The following STX8 variants were observed in gnomAD, a reference collection of about 807,000 sequenced individuals.
STX8 encodes the protein syntaxin-8.
Under a neutral mutation model 37.5 loss-of-function variants are expected in STX8, and 23 were observed. That is an observed-to-expected ratio of 0.61 (90% CI 0.44 to 0.87). The LOEUF is 0.87. STX8 is among the 40% of genes least tolerant of loss of function. The pLI is 0.00. For synonymous variants in STX8, 115 were observed against 99.1 expected (o/e 1.16, Z -0.95); for missense variants, 313 against 284.7 (o/e 1.10, Z -0.71).
chr17:9,297,298 T>C (rs972745025), intron 7 of STX8, among the ~76,000 whole-genome samples: 1 of 152,034 alleles, frequency 6.6e-6, no homozygotes, highest in Non-Finnish European at 1.5e-5. Context: ...TAATGTGGTT[T>C]AGTGAGTATA....
At chr17:9,536,095 A>G (rs1262320301) in intron 4 of STX8, among the ~76,000 whole-genome samples, 1 of 152,214 alleles carries the variant, frequency 6.6e-6, no homozygotes, top group East Asian at 1.9e-4. Context: ...ATTGAGAGTA[A>G]TTACTTATGT....
intron 6 of STX8, among the ~76,000 whole-genome samples, chr17:9,483,072 C>A (rs953262217): frequency 2.6e-5 from 4 of 152,122 alleles, no homozygotes; most frequent in African/African-American, 9.7e-5. Flanking sequence ...ATTCCTGTTG[C>A]TACTCTAACA....
At position 9,360,227 on chromosome 17, in the gene STX8, CTTTTTTTTTTTTT is replaced by C. The variant is rs58213453; in HGVS notation, c.643+18312_643+18324del. Among the ~76,000 whole-genome samples the C allele has an allele frequency of 6.9e-5, 5 of 72,610 alleles. No homozygotes were observed. In the Admixed American group the frequency reaches 8.0e-4, roughly 12 times the overall value. The allele number at this position is 72,610 out of a possible 152,430, so 47.6% of individuals were successfully genotyped here. On this transcript the variant is annotated intron_variant, in intron 7 of 7. Coordinates refer to ENST00000306357, the MANE Select transcript of STX8 (RefSeq NM_004853.3). ...ATACATATAATGTAAAATTAACCGT[CTTTTTTTTTTTTT>C]TTTTTTTTTTTGAGTCAGAGTCTCA... is the stretch of plus-strand genomic sequence containing the variant.
At chr17:9,364,851 T>C (rs976300890) in intron 7 of STX8, among the ~76,000 whole-genome samples, 1 of 152,134 alleles carries the variant, frequency 6.6e-6, no homozygotes, top group African/African-American at 2.4e-5. Context: ...GATATATTAT[T>C]ATACTATAAC....
At chr17:9,370,051 T>TA (rs1477834590) in intron 7 of STX8, among the ~76,000 whole-genome samples, 2 of 150,914 alleles carry the variant, frequency 1.3e-5, no homozygotes, top group African/African-American at 4.9e-5. Context: ...CCGTCTCTAC[T>TA]AAAAAATACT....
intron 4 of STX8, among the ~76,000 whole-genome samples, chr17:9,542,088 G>A (rs754688202): frequency 7.9e-5 from 12 of 151,892 alleles, no homozygotes; most frequent in Non-Finnish European, 1.8e-4. Flanking sequence ...GCCAGGTGTA[G>A]TGGCTCATGG....
At chr17:9,339,603 G>A (rs574731076) in intron 7 of STX8, among the ~76,000 whole-genome samples, 13 of 152,140 alleles carry the variant, frequency 8.5e-5, no homozygotes, top group Non-Finnish European at 1.6e-4. Context: ...GCAGTGAGCC[G>A]AGATCGCGCC....
intron 7 of STX8, among the ~76,000 whole-genome samples, chr17:9,327,451 C>A (rs1393677336): frequency 6.6e-6 from 1 of 151,998 alleles, no homozygotes; most frequent in Non-Finnish European, 1.5e-5. Context: ...CTGTCTATTT[C>A]TATGCTTAGG....
intron 6 of STX8, among the ~76,000 whole-genome samples, chr17:9,415,425 T>C (rs186050829): frequency 2.0e-4 from 30 of 152,252 alleles, no homozygotes; most frequent in Admixed American, 7.9e-4. Flanking sequence ...TGGCTTCTAC[T>C]CTACATACTC....
chr17:9,273,798 G>GT (rs1306312514), intron 7 of STX8, among the ~76,000 whole-genome samples: 1 of 151,986 alleles, frequency 6.6e-6, no homozygotes, highest in Non-Finnish European at 1.5e-5. Context: ...CCCGTCTCAC[G>GT]TTGGAAATCC....
rs143334018 is a variant in STX8 at position 9,398,626 on chromosome 17, T to C, written c.542-19973A>G. On this transcript the variant is annotated intron_variant, in intron 6 of 7. Transcript: ENST00000306357. ...AAATATATCATGCTAATGTAAGACATTAACTACAGGGGAAAATGGATGTGG... is the reference window on the plus strand; with the variant it reads ...AAATATATCATGCTAATGTAAGACACTAACTACAGGGGAAAATGGATGTGG... Among the ~76,000 whole-genome samples, 636 of 152,334 alleles carry C rather than the reference T, an allele frequency of 4.2e-3. 5 individuals are homozygous for C. The highest frequency in any genetic ancestry group is 0.014 in the African/African-American group (586 of 41,572).
intron 6 of STX8, among the ~76,000 whole-genome samples, chr17:9,448,883 A>T (rs1336592811): frequency 1.3e-5 from 2 of 152,194 alleles, no homozygotes; most frequent in African/African-American, 4.8e-5. Context: ...AGAAAGACAG[A>T]TGTTTTTGCT....
intron 3 of STX8, among the ~76,000 whole-genome samples, chr17:9,556,699 T>C (rs1373690581): frequency 6.7e-6 from 1 of 148,806 alleles, no homozygotes; most frequent in Non-Finnish European, 1.5e-5. Flanking sequence ...CCCAAAGTGC[T>C]GGGATTATAG....
chr17:9,338,345 C>G (rs959215511), intron 7 of STX8, among the ~76,000 whole-genome samples: 1 of 152,108 alleles, frequency 6.6e-6, no homozygotes, highest in African/African-American at 2.4e-5. Flanking sequence ...TGAGCCACAG[C>G]GTCCAGGTAT....
chr17:9,364,532 GT>G (rs1175780242), intron 7 of STX8, among the ~76,000 whole-genome samples: 8 of 151,978 alleles, frequency 5.3e-5, no homozygotes, highest in Admixed American at 5.3e-4. Context: ...TATTATTGTT[GT>G]TTATATTTTT....
chr17:9,326,659 A>C (rs1909763610), intron 7 of STX8, among the ~76,000 whole-genome samples: 1 of 152,154 alleles, frequency 6.6e-6, no homozygotes, highest in African/African-American at 2.4e-5. Flanking sequence ...CTTGTCGGCC[A>C]CATGTCCCTG....
intron 7 of STX8, among the ~76,000 whole-genome samples, chr17:9,370,042 C>T (rs529636895): frequency 3.3e-5 from 5 of 151,440 alleles, no homozygotes; most frequent in South Asian, 4.2e-4. Flanking sequence ...GGTGAAACCC[C>T]GTCTCTACTA....
intron 7 of STX8, among the ~76,000 whole-genome samples, chr17:9,365,219 G>C (rs1911194055): frequency 6.6e-6 from 1 of 152,206 alleles, no homozygotes; most frequent in Non-Finnish European, 1.5e-5. Context: ...ATTTCACTTA[G>C]AGATCCAGAT....
intron 7 of STX8, among the ~76,000 whole-genome samples, chr17:9,267,806 T>G (rs555092780): frequency 3.3e-5 from 5 of 152,094 alleles, no homozygotes; most frequent in African/African-American, 1.2e-4. Flanking sequence ...ATGGCCAACA[T>G]GGTGAAATCC....
Sources: gnomAD v4.1 joint callset for allele counts (sites outside exome capture counted in the v4.1 genomes callset) on GRCh38, gnomAD v4.1.1 for gene constraint, MANE v1.5 for transcripts, NCBI Gene and HGNC (gene_info 2026-07-23, HGNC 2026-07-21) for gene names.